The following MIOS variants were observed in gnomAD, a reference collection of about 807,000 sequenced individuals.
The protein encoded by MIOS is meiosis regulator for oocyte development, also known as GATOR2 complex protein MIOS.
In MIOS, 52 loss-of-function variants were observed where a neutral mutation model predicts 96.9. That is an observed-to-expected ratio of 0.54 (90% CI 0.43 to 0.68). The LOEUF (loss-of-function observed/expected upper bound fraction) is 0.68, where lower values mean the gene tolerates loss of function less well. MIOS is among the 30% of genes least tolerant of loss of function. MIOS has a pLI of 0.00. For missense variants in MIOS, 1,005 were observed against 1,052.8 expected (o/e 0.95, Z 0.63); for synonymous variants, 397 against 359.5 (o/e 1.10, Z -1.18).
chr7:7,578,522 G>A (rs1260904830), intron 5 of MIOS, among the ~76,000 whole-genome samples: 1 of 152,010 alleles, frequency 6.6e-6, no homozygotes, highest in Non-Finnish European at 1.5e-5. Flanking sequence ...AAACAAAAAG[G>A]TAAAATCTAA....
chr7:7,581,253 A>G, intron 5 of MIOS, among the ~76,000 whole-genome samples: 1 of 148,220 alleles, frequency 6.7e-6, no homozygotes, highest in Non-Finnish European at 1.5e-5. Context: ...GTGAGCTGAG[A>G]TCGTGTGCCA....
chr7:7,575,112 C>T (rs901285839), intron 5 of MIOS, among the ~76,000 whole-genome samples: 1 of 152,012 alleles, frequency 6.6e-6, no homozygotes, highest in African/African-American at 2.4e-5. Flanking sequence ...GATTCGTTCT[C>T]TAACTTTTGG....
At chr7:7,606,910 A>AC in intron 12 of MIOS, 86 bp from the exon 13 acceptor site, 3 of 1,062,014 alleles carry the variant, frequency 2.8e-6, no homozygotes, top group Non-Finnish European at 4.2e-6. Context: ...ATATAGGGAG[A>AC]CCCTGTCTCT....
chr7:7,600,412 G>A (rs1036355702), intron 11 of MIOS, among the ~76,000 whole-genome samples: 15 of 152,110 alleles, frequency 9.9e-5, no homozygotes, highest in East Asian at 1.9e-4. Context: ...AAAGGCAGGC[G>A]TTGCAATCCT....
Position 7,589,431 on chromosome 7 carries a change from C to G in MIOS, c.1911C>G (p.Thr637=). ...TQLNRYIEKL[T]NEMKEAGNLE... is the part of the protein sequence containing the mutation. ...TAAATAGATACATCGAAAAGTTGAC[C>G]AATGAAATGAAAGAGGCTGGAAATT... The change falls in exon 9 of 13, where the codon ACC becomes ACG. Residue 637 remains threonine, a synonymous_variant. Coordinates refer to ENST00000340080, the MANE Select transcript of MIOS (RefSeq NM_019005.4). 6.2e-7 allele frequency: 1 copy of G among 1,613,144 alleles called. No individual in the cohort carries two copies. The highest frequency in any genetic ancestry group is 1.1e-5 in the South Asian group (1 of 90,998).
chr7:7,588,303 C>G (rs1783949176), intron 7 of MIOS, among the ~76,000 whole-genome samples, 195 bp from the exon 8 acceptor site: 1 of 152,080 alleles, frequency 6.6e-6, no homozygotes, highest in African/African-American at 2.4e-5. Context: ...AGGACAAAAC[C>G]TTATTGCTGA....
intron 5 of MIOS, among the ~76,000 whole-genome samples, chr7:7,579,423 G>A (rs1358718837): frequency 1.3e-5 from 2 of 151,986 alleles, no homozygotes; most frequent in Non-Finnish European, 2.9e-5. Context: ...GTTAACAATC[G>A]ACTGCATATA....
intron 11 of MIOS, among the ~76,000 whole-genome samples, chr7:7,602,087 C>G (rs557797098): frequency 8.8e-4 from 134 of 152,300 alleles, no homozygotes; most frequent in African/African-American, 3.2e-3. Flanking sequence ...ATAATAAGAG[C>G]TATCTATGAC....
intron 11 of MIOS, among the ~76,000 whole-genome samples, chr7:7,603,327 G>C (rs1784432654): frequency 6.6e-6 from 1 of 151,862 alleles, no homozygotes; most frequent in Non-Finnish European, 1.5e-5. Context: ...CTGACAAAGG[G>C]CTAATATCCA....
At chr7:7,588,289 T>C (rs1783948652) in intron 7 of MIOS, among the ~76,000 whole-genome samples, 1 of 152,176 alleles carries the variant, frequency 6.6e-6, no homozygotes, top group African/African-American at 2.4e-5. Context: ...ATTTTTACTT[T>C]GCAAGGACAA....
At chr7:7,601,056 A>G (rs1462075717) in intron 11 of MIOS, among the ~76,000 whole-genome samples, 1 of 93,516 alleles carries the variant, frequency 1.1e-5, no homozygotes, top group Non-Finnish European at 2.5e-5. Context: ...TCTCTGGGAC[A>G]CATTCAAAGC....
chr7:7,598,387 G>T (rs1433370956), intron 11 of MIOS, among the ~76,000 whole-genome samples: 2 of 152,046 alleles, frequency 1.3e-5, no homozygotes. Flanking sequence ...TTGGCTTAGC[G>T]ATTATTTTTC....
intron 9 of MIOS, among the ~76,000 whole-genome samples, chr7:7,594,057 G>C (rs1784131575): frequency 6.6e-6 from 1 of 152,066 alleles, no homozygotes. Flanking sequence ...ACAAGGTGTT[G>C]CTTTTAACTG....
rs1784202695 is a variant in MIOS at position 7,596,318 on chromosome 7, A to T, written c.2258A>T (p.His753Leu). Residue 753 changes from histidine to leucine, a missense_variant, in exon 11 of 13, where the codon CAT becomes CTT. His to Leu is a moderately conservative substitution (Grantham distance 99). Around this residue, in one of 3 missense-constraint regions of MIOS, gnomAD observed 865 missense variants for 887.9 expected, o/e 0.97. Coordinates refer to ENST00000340080, the MANE Select transcript of MIOS (RefSeq NM_019005.4). ...SISYSCSAVP[H>L]QGRGFSQYGV... ...TCCTACAGCTGTTCAGCTGTGCCTC[A>T]TCAGGGCAGAGGTTTTAGTCAGTAT... 3 of 1,614,082 alleles carry T rather than the reference A, an allele frequency of 1.9e-6. No homozygotes were observed.
At chr7:7,567,729 G>C (rs983105308) in intron 2 of MIOS, 41 bp downstream of exon 2, 3 of 152,162 alleles carry the variant, frequency 2.0e-5, no homozygotes, top group Non-Finnish European at 4.4e-5. Flanking sequence ...CATGTGGTTG[G>C]ATCCTTTGTA....
chr7:7,600,880 G>T (rs1432578242), intron 11 of MIOS, among the ~76,000 whole-genome samples: 1 of 152,168 alleles, frequency 6.6e-6, no homozygotes, highest in Non-Finnish European at 1.5e-5. Flanking sequence ...TCAGACCACA[G>T]TGCAATCAAA....
chr7:7,582,870 G>C, intron 5 of MIOS: 1 of 399,476 alleles, frequency 2.5e-6, no homozygotes, highest in East Asian at 4.8e-5. Context: ...TGGCCAGGCA[G>C]TAACTCAGTT....
intron 5 of MIOS, among the ~76,000 whole-genome samples, chr7:7,577,176 A>G (rs1451933682): frequency 6.6e-6 from 1 of 152,144 alleles, no homozygotes; most frequent in Non-Finnish European, 1.5e-5. Flanking sequence ...ATGTAGGAGA[A>G]AGATCTATAT....
At chr7:7,603,880 C>T (rs917628763) in intron 11 of MIOS, among the ~76,000 whole-genome samples, 3 of 151,172 alleles carry the variant, frequency 2.0e-5, no homozygotes, top group Non-Finnish European at 2.9e-5. Context: ...TACTATGCAG[C>T]CATAAAAAAT....
Sources: gnomAD v4.1 joint callset for allele counts (sites outside exome capture counted in the v4.1 genomes callset) on GRCh38, gnomAD v4.1.1 for gene constraint, gnomAD v4.1.1 regional missense constraint, MANE v1.5 for transcripts, NCBI Gene and HGNC (gene_info 2026-07-23, HGNC 2026-07-21) for gene names.